The following PKIB variants were observed in gnomAD, a reference collection of about 807,000 sequenced individuals.
The protein encoded by PKIB is PKI-beta.
PKIB carries 2 observed loss-of-function variants against 4.5 expected under a neutral mutation model. The ratio of observed to expected loss-of-function variants is 0.44; its 90% CI spans 0.18 to 1.39. PKIB has a LOEUF of 1.39. Among genes scored for constraint, PKIB ranks in the 40% most tolerant of loss-of-function variants. The pLI is 0.27. For missense variants in PKIB, 94 were observed against 92.6 expected (o/e 1.02, Z -0.06); for synonymous variants, 38 against 36.0 (o/e 1.06, Z -0.20).
intron 2 of PKIB, among the ~76,000 whole-genome samples, chr6:122,521,419 A>G (rs765099757): frequency 1.3e-5 from 2 of 152,078 alleles, no homozygotes; most frequent in Non-Finnish European, 2.9e-5. Flanking sequence ...GGTGGCTCAC[A>G]CCTGTAATCT....
At chr6:122,657,400 C>T (rs753959867) in intron 2 of PKIB, among the ~76,000 whole-genome samples, 1 of 152,154 alleles carries the variant, frequency 6.6e-6, no homozygotes, top group Non-Finnish European at 1.5e-5. Flanking sequence ...TTAGTGATCA[C>T]CTACCCCCAA....
upstream of PKIB, among the ~76,000 whole-genome samples, chr6:122,605,354 G>A (rs1182462518): frequency 2.0e-5 from 3 of 152,222 alleles, no homozygotes; most frequent in Non-Finnish European, 4.4e-5. Flanking sequence ...GCCAGAGAGT[G>A]TTATGCTTTT....
At chr6:122,484,750 T>C (rs1281424655) in intron 2 of PKIB, among the ~76,000 whole-genome samples, 1 of 152,240 alleles carries the variant, frequency 6.6e-6, no homozygotes, top group Non-Finnish European at 1.5e-5. Flanking sequence ...CCGTGGATCA[T>C]CATTTAGGAA....
At chr6:122,643,937 T>A (rs1330614272) in intron 2 of PKIB, 3 of 152,184 alleles carry the variant, frequency 2.0e-5, no homozygotes, top group Non-Finnish European at 4.4e-5. Flanking sequence ...CTTTAGTATA[T>A]GTCAGTTCTG....
chr6:122,543,922 C>A (rs1772400054), intron 2 of PKIB, among the ~76,000 whole-genome samples: 1 of 151,814 alleles, frequency 6.6e-6, no homozygotes, highest in Non-Finnish European at 1.5e-5. Context: ...GAAAATGATC[C>A]CAAACTGATA....
intron 2 of PKIB, among the ~76,000 whole-genome samples, chr6:122,559,424 A>T (rs901614460): frequency 6.6e-6 from 1 of 152,008 alleles, no homozygotes; most frequent in Non-Finnish European, 1.5e-5. Context: ...TCCCAGTATC[A>T]TGCTGTTTTG....
chr6:122,618,700 A>G (rs1775092187), intron 1 of PKIB, among the ~76,000 whole-genome samples: 2 of 152,074 alleles, frequency 1.3e-5, no homozygotes, highest in Non-Finnish European at 2.9e-5. Context: ...GGCTCCATTA[A>G]CTAATTTTCT....
intron 2 of PKIB, among the ~76,000 whole-genome samples, chr6:122,554,433 T>C (rs1772778815): frequency 1.3e-5 from 2 of 152,190 alleles, no homozygotes. Flanking sequence ...AGATTGTCCA[T>C]GCAATGCCTC....
At chr6:122,695,961 G>A (rs1157959353) in intron 3 of PKIB, among the ~76,000 whole-genome samples, 1 of 152,052 alleles carries the variant, frequency 6.6e-6, no homozygotes, top group South Asian at 2.1e-4. Context: ...GCCTAGCTAA[G>A]GGCCCAATTA....
At chr6:122,650,313 A>G (rs1022310968) in intron 2 of PKIB, among the ~76,000 whole-genome samples, 5 of 152,184 alleles carry the variant, frequency 3.3e-5, no homozygotes, top group African/African-American at 1.2e-4. Flanking sequence ...TAATGGTGGC[A>G]TTGAGCTCTG....
intron 2 of PKIB, among the ~76,000 whole-genome samples, chr6:122,527,873 A>G (rs1376215566): frequency 6.6e-6 from 1 of 152,190 alleles, no homozygotes; most frequent in Non-Finnish European, 1.5e-5. Context: ...AGCAAAATAA[A>G]GCAAACTGTA....
chr6:122,713,092 A>G (rs1779337606), intron 3 of PKIB, among the ~76,000 whole-genome samples: 1 of 152,096 alleles, frequency 6.6e-6, no homozygotes, highest in Non-Finnish European at 1.5e-5. Context: ...ATATACATAT[A>G]TAAATATATA....
At chr6:122,625,270 C>T (rs1195457853) in intron 1 of PKIB, among the ~76,000 whole-genome samples, 2 of 152,116 alleles carry the variant, frequency 1.3e-5, no homozygotes, top group Non-Finnish European at 2.9e-5. Flanking sequence ...ATTCATTCTT[C>T]ACCTGCTGAG....
At chr6:122,546,897 C>A (rs767845844) in intron 2 of PKIB, among the ~76,000 whole-genome samples, 1 of 152,028 alleles carries the variant, frequency 6.6e-6, no homozygotes, top group African/African-American at 2.4e-5. Context: ...AGAGATGAGA[C>A]TTTCACACAT....
rs1297776242 is a variant in PKIB at position 122,725,685 on chromosome 6, A to G, written c.*490A>G. 6.6e-6 allele frequency: 1 copy of G among 152,322 alleles called. No individual in the cohort carries two copies. The highest frequency in any genetic ancestry group is 2.4e-5 in the African/African-American group (1 of 41,458). The allele number at this position is 152,322 out of a possible 1,614,324, so 9.4% of individuals were successfully genotyped here. A position where few individuals can be genotyped will look rare whatever the true frequency, so the allele number is the denominator to read the frequency against. On this transcript the variant is annotated 3_prime_UTR_variant, in exon 5 of 5. Coordinates refer to ENST00000368452, the MANE Select transcript of PKIB (RefSeq NM_181795.3). Reference sequence around the variant, plus strand: ...AGAGTGTGTTTGTTTTTTGCCAAAAATGCCCCAGACTTTTTCCCAAACCTC... The same window carrying G: ...AGAGTGTGTTTGTTTTTTGCCAAAAGTGCCCCAGACTTTTTCCCAAACCTC...
intron 2 of PKIB, among the ~76,000 whole-genome samples, chr6:122,508,883 T>C (rs1776502353): frequency 6.6e-6 from 1 of 152,032 alleles, no homozygotes; most frequent in Admixed American, 6.6e-5. Flanking sequence ...CCCGAGTAGC[T>C]GGGACTACAG....
intron 2 of PKIB, among the ~76,000 whole-genome samples, chr6:122,637,422 G>T (rs1002611980): frequency 2.0e-5 from 3 of 152,216 alleles, no homozygotes; most frequent in East Asian, 1.9e-4. Flanking sequence ...CAGCATCACA[G>T]AAATTTTTGT....
chr6:122,682,137 C>T (rs1777918803), intron 3 of PKIB, among the ~76,000 whole-genome samples: 2 of 146,566 alleles, frequency 1.4e-5, no homozygotes, highest in Non-Finnish European at 3.0e-5. Context: ...TAAACACTAA[C>T]TTTTTTTTTT....
At chr6:122,578,055 T>C (rs1269033522) in intron 2 of PKIB, among the ~76,000 whole-genome samples, 1 of 151,950 alleles carries the variant, frequency 6.6e-6, no homozygotes, top group African/African-American at 2.4e-5. Flanking sequence ...GCAGGAATTA[T>C]TACAGGATAG....
Sources: gnomAD v4.1 joint callset for allele counts (sites outside exome capture counted in the v4.1 genomes callset) on GRCh38, gnomAD v4.1.1 for gene constraint, MANE v1.5 for transcripts, NCBI Gene and HGNC (gene_info 2026-07-23, HGNC 2026-07-21) for gene names.